The following KHDRBS1 variants were observed in gnomAD, a reference collection of about 807,000 sequenced individuals.
The protein encoded by KHDRBS1 is KH domain-containing, RNA-binding, signal transduction-associated protein 1.
A neutral mutation model predicts 48.4 loss-of-function variants in KHDRBS1; 7 were observed. The observed-to-expected ratio is 0.14, with a 90% CI of 0.08 to 0.27. The LOEUF is 0.27. Among genes scored for constraint, KHDRBS1 ranks in the 10% least tolerant of loss-of-function variants. The pLI is 1.00. For synonymous variants in KHDRBS1, 241 were observed against 235.8 expected (o/e 1.02, Z -0.20); for missense variants, 458 against 601.2 (o/e 0.76, Z 2.49).
In KHDRBS1 at chr1:32,031,651, A is replaced by G. The variant is rs1639081909; in HGVS notation, c.624+11A>G. On this transcript the variant is annotated intron_variant, in intron 3 of 8. Coordinates refer to ENST00000327300, the MANE Select transcript of KHDRBS1 (RefSeq NM_006559.3). ...AGAGACAAAGCCAAGGTAAGCTCAC[A>G]TTAGTGAGGCAAGAGGACATCCTAA... 1 of 1,545,584 alleles carries G rather than the reference A, an allele frequency of 6.5e-7. No homozygotes were observed. Among genetic ancestry groups the G allele is most frequent in the Non-Finnish European group, 8.9e-7 (1 of 1,125,752 alleles).
At chr1:32,034,361 G>A (rs1052018043) in intron 4 of KHDRBS1, among the ~76,000 whole-genome samples, 3 of 152,066 alleles carry the variant, frequency 2.0e-5, no homozygotes, top group African/African-American at 4.8e-5. Flanking sequence ...TCGGGAGTTC[G>A]AGACCAGCCT....
At chr1:32,040,385 C>T (rs1482926440) in intron 8 of KHDRBS1, among the ~76,000 whole-genome samples, 1 of 151,424 alleles carries the variant, frequency 6.6e-6, no homozygotes, top group East Asian at 1.9e-4. Flanking sequence ...CATTGCACTC[C>T]AGCCTGGGCA....
At chr1:32,042,291 G>T (rs1639294786) in intron 8 of KHDRBS1, among the ~76,000 whole-genome samples, 1 of 152,202 alleles carries the variant, frequency 6.6e-6, no homozygotes, top group Non-Finnish European at 1.5e-5. Flanking sequence ...GATTACTCCA[G>T]AGTCAATGGC....
At chr1:32,050,913 CAG>C (rs1193828475) in intron 10 of KHDRBS1, among the ~76,000 whole-genome samples, 2 of 151,722 alleles carry the variant, frequency 1.3e-5, no homozygotes, top group African/African-American at 4.8e-5. Context: ...TTTTTTGAGA[CAG>C]AGTCTCACTC....
intron 10 of KHDRBS1, among the ~76,000 whole-genome samples, chr1:32,049,721 G>A (rs1639395270): frequency 6.6e-6 from 1 of 151,398 alleles, no homozygotes; most frequent in African/African-American, 2.4e-5. Flanking sequence ...GAGTGCAGTG[G>A]CACGATCTCA....
chr1:32,026,192 A>T (rs1045904323), intron 1 of KHDRBS1, among the ~76,000 whole-genome samples: 13 of 152,060 alleles, frequency 8.5e-5, no homozygotes, highest in Non-Finnish European at 1.6e-4. Flanking sequence ...TTTTTGAGAC[A>T]GGGCCTTACT....
intron 10 of KHDRBS1, among the ~76,000 whole-genome samples, chr1:32,051,141 G>A (rs762231584): frequency 2.0e-5 from 3 of 152,098 alleles, no homozygotes; most frequent in Middle Eastern, 3.4e-3. Context: ...CAGGTGATCC[G>A]CCCGCATCAG....
intron 1 of KHDRBS1, among the ~76,000 whole-genome samples, chr1:32,014,714 C>A (rs891713208): frequency 1.3e-5 from 2 of 152,230 alleles, no homozygotes; most frequent in African/African-American, 4.8e-5. Context: ...AATGAACCTT[C>A]ATTTCCCCCT....
At chr1:32,058,660 G>A (rs925621551) in intron 10 of KHDRBS1, among the ~76,000 whole-genome samples, 4 of 152,146 alleles carry the variant, frequency 2.6e-5, no homozygotes, top group Non-Finnish European at 4.4e-5. Flanking sequence ...AGGTCTAGCC[G>A]AGCATGGTAG....
At chr1:32,037,098 T>C in intron 5 of KHDRBS1, 55 bp downstream of exon 5, 1 of 1,577,624 alleles carries the variant, frequency 6.3e-7, no homozygotes, top group South Asian at 1.1e-5. Context: ...ACTAGTGTCA[T>C]CTCTTTTAGT....
chr1:32,025,386 C>T (rs547761081), intron 1 of KHDRBS1, among the ~76,000 whole-genome samples: 3 of 149,180 alleles, frequency 2.0e-5, no homozygotes, highest in South Asian at 2.1e-4. Flanking sequence ...CTGTGACCTC[C>T]GCCTCCCGGG....
In KHDRBS1 at chr1:32,036,948, G is replaced by T; in HGVS notation, c.810G>T (p.Glu270Asp). ...MDDICQEQFL[E>D]LSYLNGVPEP... ...ATATCTGTCAGGAGCAATTTCTAGA[G>T]CTGTCCTACTTGAATGGAGTACCTG... The change falls in exon 5 of 9, where the codon GAG becomes GAT. Residue 270 changes from glutamate (E) to aspartate (D), a missense_variant. Transcript: ENST00000327300. 6.2e-7 allele frequency: 1 copy of T among 1,613,988 alleles called. No individual in the cohort carries two copies. Among genetic ancestry groups the T allele is most frequent in the Non-Finnish European group, 8.5e-7 (1 of 1,179,960 alleles).
At chr1:32,051,284 C>T (rs773744328) in intron 10 of KHDRBS1, among the ~76,000 whole-genome samples, 2 of 152,194 alleles carry the variant, frequency 1.3e-5, no homozygotes, top group Non-Finnish European at 2.9e-5. Context: ...ATGGTCTTGT[C>T]GCCCTTATCA....
intron 1 of KHDRBS1, among the ~76,000 whole-genome samples, chr1:32,025,138 C>T (rs542344554): frequency 1.6e-4 from 25 of 151,730 alleles, no homozygotes; most frequent in East Asian, 1.2e-3. Context: ...TGGTGGCACG[C>T]GCCTATGGTT....
intron 10 of KHDRBS1, among the ~76,000 whole-genome samples, chr1:32,057,083 TTAGC>T (rs1264226459): frequency 1.3e-5 from 2 of 152,318 alleles, no homozygotes; most frequent in Admixed American, 6.5e-5. Flanking sequence ...AAAGGAGGAC[TTAGC>T]TAGGCAGAGG....
chr1:32,058,239 C>T (rs1020633370), intron 10 of KHDRBS1, among the ~76,000 whole-genome samples: 5 of 151,978 alleles, frequency 3.3e-5, no homozygotes, highest in African/African-American at 1.2e-4. Flanking sequence ...AGGCATGGGC[C>T]ACTGCACCCA....
intron 1 of KHDRBS1, among the ~76,000 whole-genome samples, chr1:32,026,921 G>A (rs1246615167): frequency 1.3e-5 from 2 of 151,896 alleles, no homozygotes; most frequent in Non-Finnish European, 2.9e-5. Flanking sequence ...CAGCCTCCTC[G>A]GTAGCTGGGA....
In KHDRBS1 at chr1:32,031,608, T is replaced by C. The variant is rs1318291875; in HGVS notation, c.592T>C (p.Leu198=). The change falls in exon 3 of 9, where the codon TTG becomes CTG. Residue 198 remains leucine (L), a synonymous_variant. Coordinates refer to ENST00000327300, the MANE Select transcript of KHDRBS1 (RefSeq NM_006559.3). ...AGAGACTGGTGCAAAGATCTCTGTATTGGGAAAGGGCTCAATGAGAGACAA... is the reference window on the plus strand; with the variant it reads ...AGAGACTGGTGCAAAGATCTCTGTACTGGGAAAGGGCTCAATGAGAGACAA... ...QEETGAKISV[L]GKGSMRDKAK... 18 of 1,612,200 alleles carry C rather than the reference T, an allele frequency of 1.1e-5. No individual in the cohort carries two copies. The highest frequency in any genetic ancestry group is 1.4e-5 in the Non-Finnish European group (16 of 1,179,246).
downstream of KHDRBS1, among the ~76,000 whole-genome samples, chr1:32,044,390 G>A (rs7522438): frequency 5.5e-3 from 838 of 152,310 alleles, 4 homozygotes; most frequent in African/African-American, 0.019. Context: ...AACTCAGCTG[G>A]GCTGGGGCAG....
Sources: allele counts gnomAD v4.1 joint callset (sites outside exome capture counted in the v4.1 genomes callset), GRCh38; gene constraint gnomAD v4.1.1; transcripts MANE v1.5; gene names NCBI Gene and HGNC (gene_info 2026-07-23, HGNC 2026-07-21).